Variants in DCAF6 observed in about 807,000 individuals in gnomAD.
The protein encoded by DCAF6 is DDB1- and CUL4-associated factor 6.
DCAF6 carries 54 observed loss-of-function variants against 125.1 expected under a neutral mutation model. The observed-to-expected ratio is 0.43, with a 90% CI of 0.35 to 0.54. DCAF6 has a LOEUF of 0.54. DCAF6 is among the 20% of genes least tolerant of loss of function. The pLI, the probability that DCAF6 is intolerant of heterozygous loss-of-function variation, is 0.01. For synonymous variants in DCAF6, 371 were observed against 390.4 expected, an observed-to-expected ratio of 0.95 and a Z score of 0.58; for missense variants, 934 against 1,161.7, an observed-to-expected ratio of 0.80 and a Z score of 2.85.
chr1:167,976,024 AT>A (rs1468319358), intron 4 of DCAF6, among the ~76,000 whole-genome samples: 1 of 151,940 alleles, frequency 6.6e-6, no homozygotes, highest in Non-Finnish European at 1.5e-5. Flanking sequence ...TTGTTTTCTT[AT>A]CCAGTCTCAC....
chr1:167,928,264 C>T, the DCAF6 span, among the ~76,000 whole-genome samples: 2 of 148,738 alleles, frequency 1.3e-5, no homozygotes, highest in African/African-American at 5.0e-5. Flanking sequence ...AGGAGAATGG[C>T]GTGAAGCCGG....
At chr1:167,997,732 A>G (rs1269567707) in intron 7 of DCAF6, among the ~76,000 whole-genome samples, 1 of 152,214 alleles carries the variant, frequency 6.6e-6, no homozygotes, top group African/African-American at 2.4e-5. Context: ...TTTGCAGATC[A>G]TGTGTCTGGT....
chr1:167,961,224 C>G (rs1287199080), intron 2 of DCAF6, among the ~76,000 whole-genome samples: 2 of 152,078 alleles, frequency 1.3e-5, no homozygotes, highest in East Asian at 3.9e-4. Context: ...CTTATTAGTT[C>G]CAGGAGGGTT....
In DCAF6 at chr1:167,944,898, A is replaced by G. The variant is rs115508774; in HGVS notation, c.98-6902A>G. Among the ~76,000 whole-genome samples the G allele has an allele frequency of 2.7e-3, 408 of 152,276 alleles. 3 individuals carry two copies. The highest frequency in any genetic ancestry group is 4.2e-3 in the Non-Finnish European group (288 of 68,018). On this transcript the variant is annotated intron_variant, in intron 1 of 21. Coordinates refer to ENST00000367840, the MANE Select transcript of DCAF6 (RefSeq NM_001198956.2). ...ATCCACCTTGAGTTGATTTTTATGT[A>G]TTAGTGAGAGATAAGAGTTCAATTG...
chr1:167,902,590 T>C, the DCAF6 span, among the ~76,000 whole-genome samples: 2 of 152,256 alleles, frequency 1.3e-5, no homozygotes, highest in Admixed American at 1.3e-4. Flanking sequence ...CATGGATTGG[T>C]TAAGCACCTG....
At chr1:167,994,540 GAA>G (rs1681359411) in intron 7 of DCAF6, among the ~76,000 whole-genome samples, 1 of 152,056 alleles carries the variant, frequency 6.6e-6, no homozygotes, top group Non-Finnish European at 1.5e-5. Context: ...ATATAAGTGG[GAA>G]AAAGATAAGT....
chr1:167,874,105 G>A, the DCAF6 span, among the ~76,000 whole-genome samples: 1 of 152,194 alleles, frequency 6.6e-6, no homozygotes, highest in Non-Finnish European at 1.5e-5. Flanking sequence ...GCTGGGGCAA[G>A]TGGATCACTT....
intron 17 of DCAF6, among the ~76,000 whole-genome samples, chr1:168,058,326 GAA>G (rs1393780599): frequency 1.3e-5 from 2 of 152,176 alleles, no homozygotes; most frequent in African/African-American, 4.8e-5. Flanking sequence ...ATATACCAAG[GAA>G]TGGACCATTT....
chr1:167,937,220 GT>G, intron 1 of DCAF6: 1 of 601,094 alleles, frequency 1.7e-6, no homozygotes, highest in Non-Finnish European at 3.0e-6. Context: ...CCCTTGCTGG[GT>G]TTTTCTCGGA....
At chr1:167,911,278 T>G in the DCAF6 span, among the ~76,000 whole-genome samples, 3 of 152,216 alleles carry the variant, frequency 2.0e-5, no homozygotes, top group African/African-American at 4.8e-5. Context: ...AAATAGTAAC[T>G]TATCTTAAAA....
At chr1:167,878,703 C>T in the DCAF6 span, 1 of 1,494,762 alleles carries the variant, frequency 6.7e-7, no homozygotes, top group Non-Finnish European at 9.3e-7. Context: ...TAATCTGAAA[C>T]ATTGTCCCCA....
the DCAF6 span, chr1:167,920,032 A>C: frequency 6.2e-7 from 1 of 1,613,804 alleles, no homozygotes; most frequent in Non-Finnish European, 8.5e-7. Context: ...AGAAATTAAC[A>C]GCAAACAGAC....
At chr1:167,996,099 G>A (rs572134794) in intron 7 of DCAF6, among the ~76,000 whole-genome samples, 1 of 152,254 alleles carries the variant, frequency 6.6e-6, no homozygotes, top group South Asian at 2.1e-4. Flanking sequence ...GTATGATTTT[G>A]TCTTATGTTT....
the DCAF6 span, among the ~76,000 whole-genome samples, chr1:167,887,358 A>G: frequency 1.3e-5 from 2 of 152,242 alleles, no homozygotes; most frequent in Non-Finnish European, 2.9e-5. Flanking sequence ...GTGGAATATT[A>G]TGCACCCATA....
At chr1:167,901,810 A>G in the DCAF6 span, 1 of 1,614,218 alleles carries the variant, frequency 6.2e-7, no homozygotes, top group South Asian at 1.1e-5. Context: ...CATCACCTTC[A>G]GAGAGAGACA....
At chr1:168,038,121 C>A (rs750874408) in intron 12 of DCAF6, among the ~76,000 whole-genome samples, 1 of 152,122 alleles carries the variant, frequency 6.6e-6, no homozygotes, top group Non-Finnish European at 1.5e-5. Context: ...ATATGGTTCT[C>A]AATGTGTGTG....
chr1:167,873,894 A>C, the DCAF6 span, among the ~76,000 whole-genome samples: 2 of 152,242 alleles, frequency 1.3e-5, no homozygotes, highest in Non-Finnish European at 2.9e-5. Flanking sequence ...ATTGAGAGTA[A>C]AAAGGCAAAC....
At chr1:168,006,086 ACT>A (rs938424601) in intron 10 of DCAF6, among the ~76,000 whole-genome samples, 14 of 152,088 alleles carry the variant, frequency 9.2e-5, no homozygotes, top group Admixed American at 7.9e-4. Context: ...TAGCAAGAAG[ACT>A]CTAGCTTACA....
At chr1:167,993,540 G>A in intron 7 of DCAF6, 100 bp downstream of exon 7, 2 of 924,764 alleles carry the variant, frequency 2.2e-6, no homozygotes, top group Non-Finnish European at 1.7e-6. Context: ...ACCTGCGGTT[G>A]GGAGTTTGCA....
Sources: gnomAD v4.1 joint callset for allele counts (sites outside exome capture counted in the v4.1 genomes callset) on GRCh38, gnomAD v4.1.1 for gene constraint, MANE v1.5 for transcripts, NCBI Gene and HGNC (gene_info 2026-07-23, HGNC 2026-07-21) for gene names.